The following CSMD1 variants were observed in gnomAD, a reference collection of about 807,000 sequenced individuals.
The protein encoded by CSMD1 is CUB and Sushi multiple domains 1.
CSMD1 carries 213 observed loss-of-function variants against 417.5 expected under a neutral mutation model. The observed-to-expected ratio is 0.51, with a 90% CI of 0.46 to 0.57. The LOEUF (loss-of-function observed/expected upper bound fraction) is 0.57, where lower values mean the gene tolerates loss of function less well. Among genes scored for constraint, CSMD1 ranks in the 20% least tolerant of loss-of-function variants. The probability of loss-of-function intolerance (pLI) is 0.00; values close to 1 mark genes in which losing one functional copy is unlikely to be tolerated. For synonymous variants in CSMD1, 2,862 were observed against 1,736.8 expected (o/e 1.65, Z -16.11); for missense variants, 6,923 against 4,529.7 (o/e 1.53, Z -15.17).
chr8:3,795,165 C>T (rs62641359), intron 5 of CSMD1, among the ~76,000 whole-genome samples: 18,371 of 53,260 alleles, frequency 0.34, 6,639 homozygotes, highest in Middle Eastern at 0.42. Context: ...GCTATAGATA[C>T]CTATCATGTA....
intron 50 of CSMD1, among the ~76,000 whole-genome samples, chr8:3,048,265 T>A (rs1187179745): frequency 6.6e-6 from 1 of 152,152 alleles, no homozygotes; most frequent in Non-Finnish European, 1.5e-5. Flanking sequence ...TTTTAATTAA[T>A]TTTACAAATT....
intron 25 of CSMD1, among the ~76,000 whole-genome samples, chr8:3,300,782 C>T (rs993230774): frequency 6.6e-6 from 1 of 150,792 alleles, no homozygotes; most frequent in Non-Finnish European, 1.5e-5. Context: ...AGGGCGAAAC[C>T]CCGTGTCTAC....
intron 3 of CSMD1, among the ~76,000 whole-genome samples, chr8:4,275,752 A>G (rs773618498): frequency 1.3e-5 from 2 of 152,202 alleles, no homozygotes; most frequent in African/African-American, 2.4e-5. Flanking sequence ...CACCTGTGCA[A>G]AACACTTTAG....
chr8:3,238,901 A>G (rs1799318972), intron 26 of CSMD1, among the ~76,000 whole-genome samples: 1 of 152,142 alleles, frequency 6.6e-6, no homozygotes, highest in African/African-American at 2.4e-5. Context: ...TGTAATCAAG[A>G]GCAGGGCATG....
At chr8:3,101,214 A>AC (rs1815715156) in intron 46 of CSMD1, among the ~76,000 whole-genome samples, 2 of 152,034 alleles carry the variant, frequency 1.3e-5, no homozygotes, top group South Asian at 4.2e-4. Flanking sequence ...CCCCCAAAAC[A>AC]CCCTGAGAGC....
At chr8:3,031,077 A>G (rs1810310615) in intron 50 of CSMD1, among the ~76,000 whole-genome samples, 2 of 151,990 alleles carry the variant, frequency 1.3e-5, no homozygotes, top group Non-Finnish European at 1.5e-5. Flanking sequence ...GATAAAAATA[A>G]TATTTTTCTC....
intron 6 of CSMD1, among the ~76,000 whole-genome samples, chr8:3,708,881 GA>G (rs1044128269): frequency 1.4e-4 from 21 of 152,126 alleles, no homozygotes; most frequent in African/African-American, 4.3e-4. Context: ...CTATAATCAT[GA>G]AAAAAAGTTT....
At chr8:3,906,724 A>G (rs145419659) in intron 5 of CSMD1, among the ~76,000 whole-genome samples, 111 of 152,220 alleles carry the variant, frequency 7.3e-4, no homozygotes, top group Non-Finnish European at 1.3e-3. Context: ...ACTGGCTGAT[A>G]GATTTTCCTC....
At chr8:3,397,413 T>C (rs1474486738) in intron 16 of CSMD1, among the ~76,000 whole-genome samples, 3 of 152,214 alleles carry the variant, frequency 2.0e-5, no homozygotes, top group Admixed American at 6.5e-5. Context: ...CATTAGATCA[T>C]GGATACACTG....
Position 4,209,239 on chromosome 8 carries a change from T to A in CSMD1, c.416-177140A>T, listed in dbSNP as rs529195205. ...TTTTAAAAAGACACTTGCCCAGATTTCTAAACGAAAAAGAGGCAGCCAGCT... is the reference window on the plus strand; with the variant it reads ...TTTTAAAAAGACACTTGCCCAGATTACTAAACGAAAAAGAGGCAGCCAGCT... On this transcript the variant is annotated intron_variant, in intron 3 of 69. Transcript: ENST00000635120. 5.4e-4 allele frequency among the ~76,000 whole-genome samples: 82 copies of A among 152,244 alleles called. 1 individual carries two copies. In the South Asian group the frequency reaches 0.012, roughly 23 times the overall value.
intron 3 of CSMD1, among the ~76,000 whole-genome samples, chr8:4,115,590 C>A (rs1028658653): frequency 6.6e-6 from 1 of 152,092 alleles, no homozygotes; most frequent in Non-Finnish European, 1.5e-5. Context: ...ACTGATCATA[C>A]ATTTTTAAAT....
intron 3 of CSMD1, among the ~76,000 whole-genome samples, chr8:4,061,969 G>T (rs1045837163): frequency 6.6e-6 from 1 of 152,082 alleles, no homozygotes; most frequent in Non-Finnish European, 1.5e-5. Flanking sequence ...TTAGTCAGGG[G>T]ATGCCAAACC....
intron 3 of CSMD1, among the ~76,000 whole-genome samples, chr8:4,132,767 T>A (rs555683641): frequency 6.6e-6 from 1 of 152,114 alleles, no homozygotes; most frequent in African/African-American, 2.4e-5. Flanking sequence ...TTCTCTACAA[T>A]CCGTTTAAAA....
chr8:3,223,950 A>T, intron 27 of CSMD1, 83 bp from the exon 28 acceptor site: 1 of 1,365,860 alleles, frequency 7.3e-7, no homozygotes, highest in Non-Finnish European at 1.0e-6. Flanking sequence ...ACACCACAGA[A>T]TTCTTTAAGA....
chr8:4,166,723 C>G (rs1036155858), intron 3 of CSMD1, among the ~76,000 whole-genome samples: 2 of 151,936 alleles, frequency 1.3e-5, no homozygotes, highest in African/African-American at 2.4e-5. Flanking sequence ...TCTATGTAAC[C>G]CAAAACCACC....
chr8:4,247,591 C>T (rs1438494946), intron 3 of CSMD1, among the ~76,000 whole-genome samples: 1 of 152,098 alleles, frequency 6.6e-6, no homozygotes, highest in East Asian at 1.9e-4. Context: ...TGTTAAATGG[C>T]CCTGCATTAC....
At chr8:4,191,551 C>A (rs1053526205) in intron 3 of CSMD1, among the ~76,000 whole-genome samples, 1 of 152,116 alleles carries the variant, frequency 6.6e-6, no homozygotes, top group South Asian at 2.1e-4. Context: ...TGAACTACAA[C>A]TGAAAATGCT....
At chr8:4,102,287 A>G (rs142799924) in intron 3 of CSMD1, among the ~76,000 whole-genome samples, 1 of 152,316 alleles carries the variant, frequency 6.6e-6, no homozygotes, top group East Asian at 1.9e-4. Flanking sequence ...AAGGAAGATC[A>G]GAGAAATCAT....
chr8:4,180,668 T>C (rs1798315481), intron 3 of CSMD1, among the ~76,000 whole-genome samples: 1 of 152,128 alleles, frequency 6.6e-6, no homozygotes, highest in African/African-American at 2.4e-5. Flanking sequence ...CTGCCAGCAC[T>C]GGCCATATGA....
Sources: gnomAD v4.1 joint callset for allele counts (sites outside exome capture counted in the v4.1 genomes callset) on GRCh38, gnomAD v4.1.1 for gene constraint, MANE v1.5 for transcripts, NCBI Gene and HGNC (gene_info 2026-07-23, HGNC 2026-07-21) for gene names.